The following PTPRE variants were observed in gnomAD, a reference collection of about 807,000 sequenced individuals.
PTPRE encodes receptor-type tyrosine-protein phosphatase epsilon.
PTPRE carries 51 observed loss-of-function variants against 102.0 expected under a neutral mutation model. That is an observed-to-expected ratio of 0.50 (90% CI 0.40 to 0.63). The LOEUF (loss-of-function observed/expected upper bound fraction) is 0.63, where lower values mean the gene tolerates loss of function less well. Ranked by LOEUF, PTPRE falls within the 30% of genes least tolerant of loss-of-function variation. The pLI is 0.00. For synonymous variants in PTPRE, 345 were observed against 348.2 expected, an observed-to-expected ratio of 0.99 and a Z score of 0.10; for missense variants, 752 against 915.1, an observed-to-expected ratio of 0.82 and a Z score of 2.30.
intron 6 of PTPRE, among the ~76,000 whole-genome samples, chr10:128,054,352 G>A (rs1047477164): frequency 6.6e-6 from 1 of 152,086 alleles, no homozygotes; most frequent in Non-Finnish European, 1.5e-5. Context: ...TGTATTTTCA[G>A]TGCTGGGGCC....
intron 3 of PTPRE, among the ~76,000 whole-genome samples, chr10:128,047,155 G>C (rs1269148226): frequency 1.3e-5 from 2 of 152,190 alleles, no homozygotes; most frequent in African/African-American, 2.4e-5. Context: ...CCTGCCCCAG[G>C]GATTTTGGAC....
chr10:127,954,466 A>G (rs974348900), intron 1 of PTPRE, among the ~76,000 whole-genome samples: 10 of 152,214 alleles, frequency 6.6e-5, no homozygotes, highest in African/African-American at 2.2e-4. Flanking sequence ...GTGGACTCAT[A>G]GATTGCCTTA....
rs527833393 is a variant in PTPRE, at chr10:127,941,936, C to T, written c.-31+34627C>T. ...AGTGAGAAGTTGGGCAACCCTTGATCTCATCAGTGTGGCCCAGACTGTGTC... is the reference window on the plus strand; with the variant it reads ...AGTGAGAAGTTGGGCAACCCTTGATTTCATCAGTGTGGCCCAGACTGTGTC... On this transcript the variant is annotated intron_variant, in intron 1 of 20. Transcript: ENST00000254667. Among the ~76,000 whole-genome samples the T allele has an allele frequency of 3.9e-5, 6 of 152,246 alleles. No individual in the cohort carries two copies. The East Asian group carries it at 5.8e-4, about 15-fold the overall frequency.
chr10:127,918,067 G>C (rs997883450), intron 1 of PTPRE, among the ~76,000 whole-genome samples: 1 of 151,942 alleles, frequency 6.6e-6, no homozygotes, highest in African/African-American at 2.4e-5. Context: ...TGTCATCAGA[G>C]AAGTCGGCTC....
chr10:128,074,192 G>A (rs1159745592), intron 17 of PTPRE, among the ~76,000 whole-genome samples: 2 of 152,172 alleles, frequency 1.3e-5, no homozygotes, highest in Non-Finnish European at 2.9e-5. Flanking sequence ...GTGGTCTTCC[G>A]TGATTGGGTT....
chr10:128,025,158 C>CAAAAAAAAAAAAAAAAAA (rs71472683), intron 2 of PTPRE, among the ~76,000 whole-genome samples: 4 of 65,796 alleles, frequency 6.1e-5, no homozygotes, highest in South Asian at 7.0e-4. Context: ...GATCCTGTCT[C>CAAAAAAAAAAAAAAAAAA]AAAAAAAAAA....
chr10:127,958,219 T>G (rs1197616106), intron 1 of PTPRE, among the ~76,000 whole-genome samples: 1 of 152,222 alleles, frequency 6.6e-6, no homozygotes, highest in East Asian at 1.9e-4. Flanking sequence ...AACCATAACC[T>G]CCCATATGAT....
intron 2 of PTPRE, among the ~76,000 whole-genome samples, chr10:128,002,233 T>C (rs1455793996): frequency 2.0e-5 from 3 of 152,212 alleles, no homozygotes; most frequent in African/African-American, 7.2e-5. Flanking sequence ...GACCCTGGAC[T>C]GCTCCTGCCT....
intron 2 of PTPRE, among the ~76,000 whole-genome samples, chr10:128,030,592 G>A: frequency 6.6e-6 from 1 of 152,172 alleles, no homozygotes; most frequent in East Asian, 1.9e-4. Context: ...CACCCGTGGA[G>A]CACCTCCTCT....
intron 1 of PTPRE, among the ~76,000 whole-genome samples, chr10:127,924,608 G>A (rs1424564152): frequency 6.6e-6 from 1 of 152,198 alleles, no homozygotes; most frequent in East Asian, 1.9e-4. Context: ...AACAGTCAAT[G>A]TGTTCCCCTC....
intron 1 of PTPRE, among the ~76,000 whole-genome samples, chr10:127,925,587 C>G (rs1271134774): frequency 1.3e-5 from 2 of 152,176 alleles, no homozygotes; most frequent in Non-Finnish European, 2.9e-5. Context: ...GAACCATGGT[C>G]GAGGCCAGGC....
chr10:128,018,149 A>G (rs1845587583), intron 2 of PTPRE, among the ~76,000 whole-genome samples: 3 of 145,948 alleles, frequency 2.1e-5, no homozygotes, highest in Admixed American at 6.8e-5. Context: ...AGGTGGTAGG[A>G]GCTTTGGGGC....
chr10:127,908,779 T>C (rs1458904483), intron 1 of PTPRE, among the ~76,000 whole-genome samples: 2 of 152,182 alleles, frequency 1.3e-5, no homozygotes, highest in African/African-American at 4.8e-5. Flanking sequence ...TTTTTGTTCA[T>C]TGATGTTGGT....
intron 11 of PTPRE, 111 bp from the exon 12 acceptor site, chr10:128,068,012 C>A: frequency 7.9e-7 from 1 of 1,262,730 alleles, no homozygotes; most frequent in Non-Finnish European, 1.1e-6. Flanking sequence ...GGGCCCCTCC[C>A]CTACGCAGCC....
At chr10:127,915,188 G>C (rs1313481043) in intron 1 of PTPRE, among the ~76,000 whole-genome samples, 3 of 152,150 alleles carry the variant, frequency 2.0e-5, no homozygotes, top group African/African-American at 7.2e-5. Context: ...TACAATCCTA[G>C]TTGCACTAGG....
rs200805567 is a variant in PTPRE at position 128,064,555 on chromosome 10, A to AG, written c.723+1378dup. Among the ~76,000 whole-genome samples, 787 of 152,334 alleles carry AG rather than the reference A, an allele frequency of 5.2e-3. 8 individuals are homozygous for AG. The highest frequency in any genetic ancestry group is 0.027 in the Middle Eastern group (8 of 294). ...GGGTCCCCCGTGACCCATGGCCCAT[A>AG]GGGACCAGTCTTCCTGGGGTTGGTG... On this transcript the variant is annotated intron_variant, in intron 10 of 20. Transcript: ENST00000254667.
chr10:128,001,961 G>A (rs1375323947), intron 2 of PTPRE, among the ~76,000 whole-genome samples: 1 of 152,202 alleles, frequency 6.6e-6, no homozygotes, highest in African/African-American at 2.4e-5. Flanking sequence ...GGCAGCAGCA[G>A]GGGAGATGGC....
chr10:128,070,972 A>T lies in PTPRE; in HGVS notation c.1387+71A>T. 1.4e-6 allele frequency: 2 copies of T among 1,467,622 alleles called. No individual in the cohort carries two copies. Among genetic ancestry groups the T allele is most frequent in the South Asian group, 2.3e-5 (2 of 86,446 alleles). The allele number at this position is 1,467,622 out of a possible 1,614,324, so 90.9% of individuals were successfully genotyped here. A position where few individuals can be genotyped will look rare whatever the true frequency, so the allele number is the denominator to read the frequency against. On this transcript the variant is annotated intron_variant, in intron 15 of 20. Transcript: ENST00000254667. This position sits in a 1 kb window ranked among gnomAD's most constrained non-coding sequence, Gnocchi z 4.8. ...GTGCCGGAGGCTTTCATCCTGGAGA[A>T]GCCATTGACCGCTTACCCCTGTGCA...
chr10:128,075,492 C>G (rs1851147334), intron 17 of PTPRE, among the ~76,000 whole-genome samples: 1 of 151,740 alleles, frequency 6.6e-6, no homozygotes, highest in Non-Finnish European at 1.5e-5. Context: ...CTCCCTGTGT[C>G]CTTGTGTTCT....
Sources: allele counts gnomAD v4.1 joint callset (sites outside exome capture counted in the v4.1 genomes callset), GRCh38; gene constraint gnomAD v4.1.1; non-coding constraint Gnocchi (gnomAD v3.1); transcripts MANE v1.5; gene names NCBI Gene and HGNC (gene_info 2026-07-23, HGNC 2026-07-21).